Variants in NUP210 observed in about 807,000 individuals in gnomAD.
The protein encoded by NUP210 is nucleoporin 210, also known as nuclear pore membrane glycoprotein 210.
NUP210 carries 151 observed loss-of-function variants against 196.0 expected under a neutral mutation model. The ratio of observed to expected loss-of-function variants is 0.77; its 90% CI spans 0.67 to 0.88. NUP210 has a LOEUF of 0.88. Ranked by LOEUF, NUP210 falls within the 40% of genes least tolerant of loss-of-function variation. The probability of loss-of-function intolerance (pLI) is 0.00; values close to 1 mark genes in which losing one functional copy is unlikely to be tolerated. For missense variants in NUP210, 2,314 were observed against 2,493.7 expected (o/e 0.93, Z 1.53); for synonymous variants, 1,070 against 1,052.7 (o/e 1.02, Z -0.32).
At position 13,348,404 on chromosome 3, in the gene NUP210, C is replaced by T. The variant is rs1355539124; in HGVS notation, c.2835+3475G>A. On this transcript the variant is annotated intron_variant, in intron 20 of 39. Coordinates refer to ENST00000254508, the MANE Select transcript of NUP210 (RefSeq NM_024923.4). The surrounding 1 kb of genome is among the most constrained non-coding windows in gnomAD (Gnocchi z 4.0). Reference sequence around the variant, plus strand: ...CACCCTCAGAGCTTGCACAGAATGACAGGTGCAAGGTAAATGTGAATGAGA... The same window carrying T: ...CACCCTCAGAGCTTGCACAGAATGATAGGTGCAAGGTAAATGTGAATGAGA... 8.1e-6 allele frequency: 8 copies of T among 985,336 alleles called. No individual in the cohort carries two copies. 61.0% of individuals were successfully genotyped at this position (985,336 alleles called of 1,614,324 possible).
At chr3:13,393,977 A>G (rs1330914323) in intron 3 of NUP210, among the ~76,000 whole-genome samples, 6 of 152,254 alleles carry the variant, frequency 3.9e-5, no homozygotes, top group Non-Finnish European at 8.8e-5. Flanking sequence ...CAGGCACAGA[A>G]AAGTCCAGAA....
intron 32 of NUP210, among the ~76,000 whole-genome samples, chr3:13,326,902 G>T (rs1476930522): frequency 6.6e-6 from 1 of 152,258 alleles, no homozygotes; most frequent in East Asian, 1.9e-4. Context: ...GTGAAGGTCG[G>T]ACATAAGCAT....
chr3:13,418,941 T>TC (rs1473682595), intron 1 of NUP210, among the ~76,000 whole-genome samples: 1 of 59,916 alleles, frequency 1.7e-5, no homozygotes, highest in Non-Finnish European at 3.2e-5. Flanking sequence ...AAAGCAAAAC[T>TC]CCGTCTCAAA....
At chr3:13,358,151 C>T (rs1406880391) in intron 16 of NUP210, 71 bp downstream of exon 16, 6 of 1,416,678 alleles carry the variant, frequency 4.2e-6, no homozygotes, top group African/African-American at 2.8e-5. Flanking sequence ...GGACCATGGG[C>T]GAGGCCACCA....
At chr3:13,326,049 TC>T (rs1290653865) in intron 32 of NUP210, 118 bp from the exon 33 acceptor site, 2 of 1,329,224 alleles carry the variant, frequency 1.5e-6, no homozygotes, top group Non-Finnish European at 2.1e-6. Flanking sequence ...CCATGGGGGC[TC>T]ACTCAGCAGC....
At chr3:13,415,301 G>GACTCC (rs1474167925) in intron 1 of NUP210, among the ~76,000 whole-genome samples, 2 of 152,220 alleles carry the variant, frequency 1.3e-5, no homozygotes, top group Middle Eastern at 3.2e-3. Context: ...TGAAATATGT[G>GACTCC]TCGTCCATCA....
chr3:13,352,528 C>T (rs1698015626), intron 18 of NUP210, among the ~76,000 whole-genome samples: 1 of 152,256 alleles, frequency 6.6e-6, no homozygotes, highest in Non-Finnish European at 1.5e-5. Flanking sequence ...CATGTGGCCG[C>T]TGGCCAGGCC....
intron 14 of NUP210, among the ~76,000 whole-genome samples, chr3:13,365,512 T>C (rs1297766413): frequency 1.3e-5 from 2 of 152,208 alleles, no homozygotes; most frequent in Non-Finnish European, 2.9e-5. Context: ...GACCCCAGTC[T>C]TGGAGGCCTC....
At chr3:13,398,128 G>A (rs1699724520) in intron 2 of NUP210, among the ~76,000 whole-genome samples, 1 of 152,206 alleles carries the variant, frequency 6.6e-6, no homozygotes, top group Non-Finnish European at 1.5e-5. Context: ...ACGGTCCCAT[G>A]TATCAAAAGC....
rs1697780659 is a variant in NUP210, at chr3:13,347,321, C to CAGG, written c.2836-4021_2836-4019dup. 2 of 985,412 alleles carry CAGG rather than the reference C, an allele frequency of 2.0e-6. No individual in the cohort carries two copies. The highest frequency in any genetic ancestry group is 3.5e-5 in the African/African-American group (2 of 57,368). 61.0% of individuals were successfully genotyped at this position (985,412 alleles called of 1,614,324 possible). A position where few individuals can be genotyped will look rare whatever the true frequency, so the allele number is the denominator to read the frequency against. ...TTAATGGGAAATGTAAAGTGCCCAG[C>CAGG]AGGCTCCTTCCCCTGCTCTGGTCAT... On this transcript the variant is annotated intron_variant, in intron 20 of 39. Transcript: ENST00000254508. This position sits in a 1 kb window ranked among gnomAD's most constrained non-coding sequence, Gnocchi z 4.7.
intron 28 of NUP210, among the ~76,000 whole-genome samples, chr3:13,334,158 T>C (rs1293743773): frequency 6.6e-6 from 1 of 152,224 alleles, no homozygotes; most frequent in African/African-American, 2.4e-5. Context: ...GTTTGTAGGC[T>C]GGATCCAGAT....
In NUP210 at chr3:13,335,323, T is replaced by C; in HGVS notation, c.3843+131A>G. The C allele has an allele frequency of 2.8e-6, 3 of 1,086,496 alleles. No individual in the cohort carries two copies. The East Asian group carries it at 7.2e-5, about 26-fold the overall frequency. The allele number at this position is 1,086,496 out of a possible 1,614,324, so 67.3% of individuals were successfully genotyped here. ...TGTTTACCCCACTGCGATGGACCAC[T>C]GTCATCCCCACGGACTGAGAGCTTC... is the stretch of plus-strand genomic sequence containing the variant. On this transcript the variant is annotated intron_variant, in intron 28 of 39. Transcript: ENST00000254508.
intron 1 of NUP210, among the ~76,000 whole-genome samples, chr3:13,402,785 G>C (rs934840526): frequency 7.9e-5 from 12 of 152,060 alleles, no homozygotes; most frequent in African/African-American, 2.9e-4. Context: ...CAGCAAAACT[G>C]AATAGAAAGT....
chr3:13,413,361 A>G (rs1418421756), intron 1 of NUP210, among the ~76,000 whole-genome samples: 4 of 150,948 alleles, frequency 2.6e-5, no homozygotes, highest in African/African-American at 9.7e-5. Flanking sequence ...TCCCAGGTAC[A>G]TGGGAGGCTG....
chr3:13,409,724 C>A (rs1213435059), intron 1 of NUP210, among the ~76,000 whole-genome samples: 1 of 152,016 alleles, frequency 6.6e-6, no homozygotes, highest in Non-Finnish European at 1.5e-5. Context: ...ACACGGAGTT[C>A]AAAACAAGGC....
In NUP210 at chr3:13,397,406, G is replaced by A. The variant is rs1175518566; in HGVS notation, c.387C>T (p.Tyr129=). ...IQIVSTTREL[Y]LEDSPLELKI... ...TCAGCTCCAGGGGGGAGTCCTCCAG[G>A]TAGAGCTCGCGGGTGGTGGAGACGA... The change falls in exon 3 of 40, where the codon TAC becomes TAT. Residue 129 remains tyrosine, a synonymous_variant. Coordinates refer to ENST00000254508, the MANE Select transcript of NUP210 (RefSeq NM_024923.4). 4 of 1,612,888 alleles carry A rather than the reference G, an allele frequency of 2.5e-6. No homozygotes were observed. The highest frequency in any genetic ancestry group is 3.4e-6 in the Non-Finnish European group (4 of 1,179,580).
chr3:13,383,543 GAC>G (rs1454386229), intron 6 of NUP210, among the ~76,000 whole-genome samples: 1 of 24,452 alleles, frequency 4.1e-5, no homozygotes, highest in Middle Eastern at 0.029. Flanking sequence ...TTTTTTTTGA[GAC>G]AGAGTCTCAC....
chr3:13,406,213 C>T (rs1033086767), intron 1 of NUP210, among the ~76,000 whole-genome samples: 6 of 152,284 alleles, frequency 3.9e-5, no homozygotes, highest in African/African-American at 9.6e-5. Context: ...AGCCCTGCAA[C>T]GCCAGCCATG....
chr3:13,321,895 C>T (rs1696546605), intron 35 of NUP210, 60 bp from the exon 36 acceptor site: 1 of 1,560,026 alleles, frequency 6.4e-7, no homozygotes, highest in Non-Finnish European at 8.7e-7. Flanking sequence ...GATGTCATTT[C>T]TTCTCCCTGC....
Sources: gnomAD v4.1 joint callset for allele counts (sites outside exome capture counted in the v4.1 genomes callset) on GRCh38, gnomAD v4.1.1 for gene constraint, Gnocchi (gnomAD v3.1) non-coding constraint, MANE v1.5 for transcripts, NCBI Gene and HGNC (gene_info 2026-07-23, HGNC 2026-07-21) for gene names.